Variants in CAMSAP2 observed in about 807,000 individuals in gnomAD.
CAMSAP2 encodes calmodulin-regulated spectrin-associated protein 2.
In CAMSAP2, 26 loss-of-function variants were observed where a neutral mutation model predicts 146.1. That is an observed-to-expected ratio of 0.18 (90% CI 0.13 to 0.25). CAMSAP2 has a LOEUF of 0.25. Ranked by LOEUF, CAMSAP2 falls within the 10% of genes least tolerant of loss-of-function variation. The pLI is 1.00. For missense variants in CAMSAP2, 1,381 were observed against 1,759.3 expected (o/e 0.78, Z 3.85); for synonymous variants, 499 against 596.6 (o/e 0.84, Z 2.38).
At chr1:200,817,334 A>G (rs1666630411) in intron 4 of CAMSAP2, among the ~76,000 whole-genome samples, 1 of 147,510 alleles carries the variant, frequency 6.8e-6, no homozygotes, top group Admixed American at 6.7e-5. Flanking sequence ...GAAAGAAGAA[A>G]CATTAACATG....
At chr1:200,764,499 G>T (rs1664886771) in intron 2 of CAMSAP2, among the ~76,000 whole-genome samples, 1 of 152,064 alleles carries the variant, frequency 6.6e-6, no homozygotes, top group Non-Finnish European at 1.5e-5. Flanking sequence ...CTTATTTGAT[G>T]TATTTCTGCA....
chr1:200,766,142 C>CTT (rs71135394), intron 2 of CAMSAP2, among the ~76,000 whole-genome samples: 18 of 140,814 alleles, frequency 1.3e-4, no homozygotes, highest in East Asian at 4.1e-4. Flanking sequence ...TCAAGTAGCT[C>CTT]TTTTTTTTTT....
At chr1:200,821,721 C>A (rs1376913446) in intron 4 of CAMSAP2, among the ~76,000 whole-genome samples, 1 of 152,050 alleles carries the variant, frequency 6.6e-6, no homozygotes, top group Non-Finnish European at 1.5e-5. Context: ...ATTTACTTGC[C>A]CTTACAGGAA....
chr1:200,778,587 G>A (rs1414290776), intron 2 of CAMSAP2, among the ~76,000 whole-genome samples: 1 of 152,044 alleles, frequency 6.6e-6, no homozygotes, highest in Non-Finnish European at 1.5e-5. Context: ...TGCTTTTTGT[G>A]TCTAGCTGTG....
chr1:200,860,276 A>T lies in CAMSAP2; in HGVS notation c.*2217A>T, dbSNP rs999924284. ...ATACAGTTGAAAAATATGCCATTTC[A>T]TAAAGTCTGAGGATTTTCGTCAACC... is the stretch of plus-strand genomic sequence containing the variant. On this transcript the variant is annotated 3_prime_UTR_variant, in exon 17 of 17. Transcript: ENST00000358823. The T allele has an allele frequency of 2.6e-5, 4 of 152,710 alleles. No individual in the cohort carries two copies. Among genetic ancestry groups the T allele is most frequent in the African/African-American group, 9.7e-5 (4 of 41,448 alleles). The allele number at this position is 152,710 out of a possible 1,614,324, so 9.5% of individuals were successfully genotyped here.
intron 4 of CAMSAP2, chr1:200,828,518 T>A (rs1032154296): frequency 5.9e-6 from 9 of 1,518,028 alleles, no homozygotes; most frequent in Non-Finnish European, 8.0e-6. Flanking sequence ...ATAATTCTGA[T>A]GAATTTTCCC....
chr1:200,811,444 A>G (rs935606429), intron 3 of CAMSAP2, among the ~76,000 whole-genome samples: 10 of 152,058 alleles, frequency 6.6e-5, no homozygotes, highest in African/African-American at 2.4e-4. Context: ...CCTCCTGCCA[A>G]CCAGACTACA....
intron 4 of CAMSAP2, chr1:200,828,468 C>T: frequency 2.8e-6 from 3 of 1,056,390 alleles, no homozygotes; most frequent in Non-Finnish European, 4.2e-6. Context: ...AAACTTGGAA[C>T]TCCACTATCA....
intron 8 of CAMSAP2, among the ~76,000 whole-genome samples, chr1:200,845,701 A>G (rs1667443114): frequency 6.6e-6 from 1 of 152,076 alleles, no homozygotes; most frequent in Non-Finnish European, 1.5e-5. Flanking sequence ...CTTCCTGGAA[A>G]TTTCTCAAAC....
intron 1 of CAMSAP2, among the ~76,000 whole-genome samples, chr1:200,747,045 A>G (rs1664352787): frequency 1.3e-5 from 2 of 152,038 alleles, no homozygotes; most frequent in South Asian, 2.1e-4. Flanking sequence ...AGTAGCTGGG[A>G]CTACATGCCT....
intron 4 of CAMSAP2, among the ~76,000 whole-genome samples, chr1:200,822,165 C>G (rs1255079394): frequency 5.3e-5 from 8 of 151,268 alleles, no homozygotes; most frequent in African/African-American, 1.9e-4. Context: ...CACACACACA[C>G]ACACACACAC....
At chr1:200,806,311 A>C (rs1208040602) in intron 2 of CAMSAP2, among the ~76,000 whole-genome samples, 1 of 152,226 alleles carries the variant, frequency 6.6e-6, no homozygotes, top group Non-Finnish European at 1.5e-5. Flanking sequence ...TTGCTAAAGC[A>C]CATAAAAGGA....
intron 6 of CAMSAP2, among the ~76,000 whole-genome samples, chr1:200,837,266 A>G (rs1008582642): frequency 6.6e-6 from 1 of 152,048 alleles, no homozygotes; most frequent in Non-Finnish European, 1.5e-5. Flanking sequence ...TAATTTTTTT[A>G]TATAGTGTAA....
chr1:200,798,652 C>A (rs1228530567), intron 2 of CAMSAP2, among the ~76,000 whole-genome samples: 1 of 142,710 alleles, frequency 7.0e-6, no homozygotes, highest in East Asian at 2.1e-4. Flanking sequence ...AATTGAATAC[C>A]TTTTATTTCC....
chr1:200,767,389 A>ATAAT (rs1215587324), intron 2 of CAMSAP2, among the ~76,000 whole-genome samples: 1 of 151,758 alleles, frequency 6.6e-6, no homozygotes, highest in African/African-American at 2.4e-5. Context: ...AATATGCTGA[A>ATAAT]TAATTCTCTA....
chr1:200,759,029 C>T (rs541289695), intron 1 of CAMSAP2, among the ~76,000 whole-genome samples: 170 of 152,240 alleles, frequency 1.1e-3, no homozygotes, highest in African/African-American at 4.0e-3. Context: ...ACTGTCAGCA[C>T]CTCCTTGTTA....
intron 2 of CAMSAP2, among the ~76,000 whole-genome samples, chr1:200,785,174 G>A (rs1665549362): frequency 6.6e-6 from 1 of 152,048 alleles, no homozygotes; most frequent in Non-Finnish European, 1.5e-5. Flanking sequence ...TCTCAAGGGT[G>A]TTTACAGCCA....
At chr1:200,816,322 G>A (rs1387701367) in intron 4 of CAMSAP2, among the ~76,000 whole-genome samples, 1 of 148,900 alleles carries the variant, frequency 6.7e-6, no homozygotes, top group Non-Finnish European at 1.5e-5. Flanking sequence ...GCCAGGCGTG[G>A]TGGCTCACAC....
chr1:200,819,199 C>T (rs1666684313), intron 4 of CAMSAP2, among the ~76,000 whole-genome samples: 1 of 152,076 alleles, frequency 6.6e-6, no homozygotes, highest in African/African-American at 2.4e-5. Context: ...GGGTGGTGTC[C>T]TAAGAGAAAG....
Sources: gnomAD v4.1 joint callset for allele counts (sites outside exome capture counted in the v4.1 genomes callset) on GRCh38, gnomAD v4.1.1 for gene constraint, MANE v1.5 for transcripts, NCBI Gene and HGNC (gene_info 2026-07-23, HGNC 2026-07-21) for gene names.